The following ZFHX3 variants were observed in gnomAD, a reference collection of about 807,000 sequenced individuals.
ZFHX3 encodes the protein zinc finger homeobox protein 3.
In ZFHX3, 42 loss-of-function variants were observed where a neutral mutation model predicts 279.1. The observed-to-expected ratio is 0.15, with a 90% confidence interval of 0.12 to 0.19. The LOEUF (loss-of-function observed/expected upper bound fraction) is 0.19, where lower values mean the gene tolerates loss of function less well. ZFHX3 is among the 10% of genes least tolerant of loss of function. The probability of loss-of-function intolerance (pLI) is 1.00; values close to 1 mark genes in which losing one functional copy is unlikely to be tolerated. For missense variants in ZFHX3, 4,981 were observed against 4,754.0 expected, an observed-to-expected ratio of 1.05 and a Z score of -1.40; for synonymous variants, 2,293 against 1,957.8, an observed-to-expected ratio of 1.17 and a Z score of -4.52.
intron 3 of ZFHX3, among the ~76,000 whole-genome samples, chr16:73,427,861 G>A (rs1038136490): frequency 6.6e-6 from 1 of 151,956 alleles, no homozygotes; most frequent in Admixed American, 6.6e-5. Flanking sequence ...GAGAATCACT[G>A]GAACCCGGGA....
chr16:73,420,772 C>T (rs2017703112), intron 3 of ZFHX3: 1 of 152,224 alleles, frequency 6.6e-6, no homozygotes, highest in Non-Finnish European at 1.5e-5. Context: ...CAGTCGTCTT[C>T]ACGCTTCCAC....
intron 3 of ZFHX3, among the ~76,000 whole-genome samples, chr16:73,393,659 A>G (rs74809946): frequency 0.015 from 2,239 of 152,302 alleles, 70 homozygotes; most frequent in African/African-American, 0.05. Context: ...ATCACATTGA[A>G]TAAACTATGA....
chr16:72,946,287 T>G (rs547008211), intron 3 of ZFHX3, among the ~76,000 whole-genome samples: 1 of 152,284 alleles, frequency 6.6e-6, no homozygotes, highest in African/African-American at 2.4e-5. Flanking sequence ...GTGTGCCCTG[T>G]TGGCCCACAG....
chr16:72,891,939 T>A (rs952044859), intron 3 of ZFHX3, among the ~76,000 whole-genome samples: 8 of 152,332 alleles, frequency 5.3e-5, no homozygotes, highest in Admixed American at 1.3e-4. Flanking sequence ...CTAGTCCTGC[T>A]TGGATGTCTC....
At chr16:73,640,257 A>G (rs946021872) in intron 2 of ZFHX3, among the ~76,000 whole-genome samples, 2 of 152,134 alleles carry the variant, frequency 1.3e-5, no homozygotes, top group Non-Finnish European at 2.9e-5. Flanking sequence ...CCAAAAAGAG[A>G]ATTATCACTT....
chr16:72,824,695 A>G (rs1455370644), intron 5 of ZFHX3, among the ~76,000 whole-genome samples: 1 of 152,224 alleles, frequency 6.6e-6, no homozygotes, highest in African/African-American at 2.4e-5. Context: ...TTCTTTGCCA[A>G]GAGTTCAATT....
rs1030920768 is a variant in ZFHX3 at position 73,596,113 on chromosome 16, C to T, written c.-1547+84067G>A. 7.2e-5 allele frequency among the ~76,000 whole-genome samples: 11 copies of T among 151,794 alleles called. No individual in the cohort carries two copies. The East Asian group carries it at 7.7e-4, about 11-fold the overall frequency. On this transcript the variant is annotated intron_variant, in intron 2 of 17. Coordinates refer to the ZFHX3 transcript ENST00000641206. ...TCGGCTCACTGCAACTTCCGCCTCC[C>T]GGGTTCAAGCAATTCTCCTGCCTCG...
chr16:72,860,564 G>A (rs1318318779), intron 4 of ZFHX3, among the ~76,000 whole-genome samples: 1 of 152,134 alleles, frequency 6.6e-6, no homozygotes, highest in Non-Finnish European at 1.5e-5. Context: ...CCGAGGAGCT[G>A]GGACTACAGG....
At chr16:73,383,158 G>T (rs557374166) in intron 3 of ZFHX3, among the ~76,000 whole-genome samples, 1 of 152,318 alleles carries the variant, frequency 6.6e-6, no homozygotes, top group Admixed American at 6.5e-5. Context: ...TTAACTGCAA[G>T]TCATTTGTCT....
chr16:73,563,594 T>C (rs80111716), intron 2 of ZFHX3, among the ~76,000 whole-genome samples: 10,705 of 152,250 alleles, frequency 0.07, 495 homozygotes, highest in Non-Finnish European at 0.096. Context: ...AGGGATGTGA[T>C]TGGTTCCTGC....
At chr16:72,997,584 A>C (rs1048088927) in intron 1 of ZFHX3, among the ~76,000 whole-genome samples, 1 of 152,186 alleles carries the variant, frequency 6.6e-6, no homozygotes, top group Non-Finnish European at 1.5e-5. Flanking sequence ...TAATCTGAAA[A>C]GCAAATACAG....
intron 5 of ZFHX3, among the ~76,000 whole-genome samples, chr16:73,173,537 C>A (rs1052548349): frequency 1.3e-5 from 2 of 152,038 alleles, no homozygotes; most frequent in African/African-American, 4.8e-5. Context: ...CCACCTCATT[C>A]TTTTTTCTTA....
intron 5 of ZFHX3, among the ~76,000 whole-genome samples, chr16:73,220,880 T>C (rs1020580077): frequency 6.6e-6 from 1 of 152,136 alleles, no homozygotes; most frequent in African/African-American, 2.4e-5. Flanking sequence ...TGAACCCTTT[T>C]TGGTGGAGCA....
intron 2 of ZFHX3, among the ~76,000 whole-genome samples, chr16:73,654,645 T>C (rs372191511): frequency 9.2e-5 from 14 of 152,148 alleles, no homozygotes; most frequent in African/African-American, 3.4e-4. Flanking sequence ...CAAATTATTG[T>C]TGTATGCAAG....
chr16:73,831,976 C>T (rs1287203021), intron 1 of ZFHX3, among the ~76,000 whole-genome samples: 1 of 152,224 alleles, frequency 6.6e-6, no homozygotes, highest in Non-Finnish European at 1.5e-5. Context: ...TCTTGGCTCA[C>T]TGCAACCTCT....
Position 73,488,001 on chromosome 16 carries a change from C to T in ZFHX3, c.-1546-31743G>A, listed in dbSNP as rs184753062. 5.3e-5 allele frequency among the ~76,000 whole-genome samples: 8 copies of T among 152,294 alleles called. No individual in the cohort carries two copies. In the East Asian group the frequency reaches 7.7e-4, roughly 15 times the overall value. ...CAGCCAACATGATGTGATACAGAAA[C>T]GCACCCACCCAACTATGTCTAGCAT... On this transcript the variant is annotated intron_variant, in intron 2 of 17. Transcript: ENST00000641206.
intron 3 of ZFHX3, among the ~76,000 whole-genome samples, chr16:73,435,684 G>GT (rs2017984705): frequency 6.6e-6 from 1 of 152,188 alleles, no homozygotes; most frequent in African/African-American, 2.4e-5. Context: ...TAAAGCCATG[G>GT]TCAGGAGTCA....
At chr16:73,509,884 C>T (rs1001540924) in intron 2 of ZFHX3, among the ~76,000 whole-genome samples, 7 of 152,020 alleles carry the variant, frequency 4.6e-5, no homozygotes, top group East Asian at 1.9e-4. Context: ...TTAGTAGAGA[C>T]GAGGTTTCAC....
chr16:73,783,983 C>G (rs755348012), intron 1 of ZFHX3, among the ~76,000 whole-genome samples: 1 of 152,014 alleles, frequency 6.6e-6, no homozygotes, highest in Non-Finnish European at 1.5e-5. Flanking sequence ...CTTTAGAAAA[C>G]AAGGAAAGGA....
Sources: gnomAD v4.1 joint callset for allele counts (sites outside exome capture counted in the v4.1 genomes callset) on GRCh38, gnomAD v4.1.1 for gene constraint, MANE v1.5 for transcripts, NCBI Gene and HGNC (gene_info 2026-07-23, HGNC 2026-07-21) for gene names.